Variants in BBS9 observed in about 807,000 individuals in gnomAD.
BBS9 encodes the protein protein PTHB1.
In BBS9, 89 loss-of-function variants were observed where a neutral mutation model predicts 117.7. The ratio of observed to expected loss-of-function variants is 0.76; its 90% CI spans 0.64 to 0.90. BBS9 has a LOEUF of 0.90. BBS9 is among the 40% of genes least tolerant of loss of function. BBS9 has a pLI of 0.00. For synonymous variants in BBS9, 379 were observed against 370.9 expected (o/e 1.02, Z -0.25); for missense variants, 982 against 1,042.2 (o/e 0.94, Z 0.80).
At chr7:33,579,871 A>C (rs887859340) in intron 21 of BBS9, among the ~76,000 whole-genome samples, 5 of 152,154 alleles carry the variant, frequency 3.3e-5, no homozygotes, top group Non-Finnish European at 7.4e-5. Flanking sequence ...CAACCAAAAA[A>C]TGTAATCTAT....
chr7:33,223,810 A>C lies in BBS9; in HGVS notation c.443-33426A>C, dbSNP rs946647146. On this transcript the variant is annotated intron_variant, in intron 5 of 22. Transcript: ENST00000242067. ...ATCCTAAAAGCTCAAGGGGCTATTT[A>C]ATATTTATTATATTTGGGTCTATTT... Among the ~76,000 whole-genome samples, 11 of 152,142 alleles carry C rather than the reference A, an allele frequency of 7.2e-5. 1 individual carries two copies. The highest frequency in any genetic ancestry group is 4.6e-4 in the Admixed American group (7 of 15,278).
intron 1 of BBS9, among the ~76,000 whole-genome samples, chr7:33,144,591 C>T (rs1792044069): frequency 6.6e-6 from 1 of 152,082 alleles, no homozygotes; most frequent in South Asian, 2.1e-4. Context: ...ATGTTTTCTC[C>T]CACATTTTCG....
At chr7:33,273,532 T>C (rs1800206073) in intron 8 of BBS9, among the ~76,000 whole-genome samples, 1 of 152,190 alleles carries the variant, frequency 6.6e-6, no homozygotes. Flanking sequence ...GAATTATCTG[T>C]AGTGAATGCG....
At chr7:33,236,086 G>A (rs1034824508) in intron 5 of BBS9, among the ~76,000 whole-genome samples, 1 of 152,034 alleles carries the variant, frequency 6.6e-6, no homozygotes, top group Non-Finnish European at 1.5e-5. Context: ...CCAGCACTTT[G>A]GGGGGCTGAG....
chr7:33,166,044 G>A (rs966148963), intron 4 of BBS9, among the ~76,000 whole-genome samples: 1 of 152,188 alleles, frequency 6.6e-6, no homozygotes, highest in Non-Finnish European at 1.5e-5. Context: ...TTTTGTTGAT[G>A]TTGATGCTAT....
At chr7:33,440,470 A>G (rs1835996551) in intron 19 of BBS9, among the ~76,000 whole-genome samples, 1 of 152,166 alleles carries the variant, frequency 6.6e-6, no homozygotes, top group Non-Finnish European at 1.5e-5. Flanking sequence ...CTTTTAACAG[A>G]TAAAATTTAT....
At chr7:33,264,576 T>A (rs1347541434) in intron 7 of BBS9, among the ~76,000 whole-genome samples, 1 of 152,130 alleles carries the variant, frequency 6.6e-6, no homozygotes, top group Non-Finnish European at 1.5e-5. Flanking sequence ...GGTCTTAATA[T>A]AACAGATTGT....
intron 3 of BBS9, among the ~76,000 whole-genome samples, chr7:33,153,924 A>G (rs1276893791): frequency 1.3e-5 from 2 of 152,224 alleles, no homozygotes; most frequent in Admixed American, 6.5e-5. Flanking sequence ...GTAAGGAGAC[A>G]AAAGCATCCT....
intron 20 of BBS9, among the ~76,000 whole-genome samples, chr7:33,523,083 C>T (rs1336959498): frequency 6.7e-6 from 1 of 148,896 alleles, no homozygotes; most frequent in Non-Finnish European, 1.5e-5. Flanking sequence ...TTTCTGAGGG[C>T]TCTGTTCTGT....
At chr7:33,277,313 C>G (rs1347794832) in intron 9 of BBS9, among the ~76,000 whole-genome samples, 1 of 152,138 alleles carries the variant, frequency 6.6e-6, no homozygotes, top group Non-Finnish European at 1.5e-5. Flanking sequence ...TTTTGTCATT[C>G]CCTAAGAAGA....
chr7:33,404,387 A>T (rs1829536278), intron 19 of BBS9, among the ~76,000 whole-genome samples: 1 of 152,068 alleles, frequency 6.6e-6, no homozygotes, highest in Non-Finnish European at 1.5e-5. Flanking sequence ...GAAGAAAGTC[A>T]TTGGTAGCTT....
intron 5 of BBS9, among the ~76,000 whole-genome samples, chr7:33,252,543 A>G (rs950814507): frequency 6.6e-5 from 10 of 152,062 alleles, no homozygotes; most frequent in Non-Finnish European, 1.2e-4. Context: ...CATTTCTGAG[A>G]AGTTCCTAGG....
At position 33,357,897 on chromosome 7, in the gene BBS9, A is replaced by G. The variant is rs1357238219; in HGVS notation, c.1595A>G (p.Lys532Arg). 1 of 1,612,166 alleles carries G rather than the reference A, an allele frequency of 6.2e-7. No individual in the cohort carries two copies. The highest frequency in any genetic ancestry group is 1.7e-5 in the Admixed American group (1 of 59,928). The stretch of plus-strand genomic sequence containing the variant: ...CAATGTAAATTTAGACTTCCCCTAA[A>G]GTTAATTTGCCTACCAGGTCAGCCT... ...VIQCKFRLPL[K>R]LICLPGQPSK... The change falls in exon 16 of 23, where the codon AAG (lysine) becomes AGG (arginine). Residue 532 changes from lysine (K) to arginine (R), a missense_variant. Physicochemically the swap from Lys to Arg is conservative, Grantham distance 26 (BLOSUM62 2). Transcript: ENST00000242067.
At chr7:33,405,673 G>A (rs1293754274) in intron 19 of BBS9, among the ~76,000 whole-genome samples, 1 of 152,154 alleles carries the variant, frequency 6.6e-6, no homozygotes, top group East Asian at 1.9e-4. Context: ...TTGTATTTCT[G>A]TGGGATCGGT....
At chr7:33,313,854 A>C (rs1191938997) in intron 9 of BBS9, among the ~76,000 whole-genome samples, 3 of 152,234 alleles carry the variant, frequency 2.0e-5, no homozygotes, top group Admixed American at 2.0e-4. Flanking sequence ...CTTAAAAATT[A>C]TTTAAAAATG....
intron 20 of BBS9, among the ~76,000 whole-genome samples, chr7:33,530,177 A>C (rs17170280): frequency 0.025 from 3,819 of 152,198 alleles, 116 homozygotes; most frequent in African/African-American, 0.07. Context: ...TTTATATTTG[A>C]ATTTATGTAG....
At chr7:33,203,556 C>T (rs898649301) in intron 5 of BBS9, among the ~76,000 whole-genome samples, 33 of 152,176 alleles carry the variant, frequency 2.2e-4, no homozygotes, top group African/African-American at 6.3e-4. Flanking sequence ...TGGGGTACAG[C>T]TCAGGAATGT....
chr7:33,363,971 C>T lies in BBS9; in HGVS notation c.1694-3796C>T, dbSNP rs1460234428. Among the ~76,000 whole-genome samples, 253 of 28,802 alleles carry T rather than the reference C, an allele frequency of 8.8e-3. 74 individuals carry two copies. The highest frequency in any genetic ancestry group is 0.042 in the African/African-American group (245 of 5,806). The allele number at this position is 28,802 out of a possible 152,430, so 18.9% of individuals were successfully genotyped here. A position where few individuals can be genotyped will look rare whatever the true frequency, so the allele number is the denominator to read the frequency against. ...ATTTTTTATTTTTTTTTTTTTGAGACGGAGTCTCGCTCTGTCGCCCAGGCT... is the reference window on the plus strand; with the variant it reads ...ATTTTTTATTTTTTTTTTTTTGAGATGGAGTCTCGCTCTGTCGCCCAGGCT... On this transcript the variant is annotated intron_variant, in intron 16 of 22. Transcript: ENST00000242067.
At chr7:33,575,404 A>G (rs899611641) in intron 21 of BBS9, among the ~76,000 whole-genome samples, 1 of 152,180 alleles carries the variant, frequency 6.6e-6, no homozygotes, top group African/African-American at 2.4e-5. Flanking sequence ...TCTGAAATGG[A>G]GGCAATAATT....
Sources: gnomAD v4.1 joint callset for allele counts (sites outside exome capture counted in the v4.1 genomes callset) on GRCh38, gnomAD v4.1.1 for gene constraint, MANE v1.5 for transcripts, NCBI Gene and HGNC (gene_info 2026-07-23, HGNC 2026-07-21) for gene names.